Variants in CDKL1 observed in about 807,000 individuals in gnomAD.
CDKL1 encodes cyclin-dependent kinase-like 1.
CDKL1 carries 41 observed loss-of-function variants against 42.0 expected under a neutral mutation model. The observed-to-expected ratio is 0.98, with a 90% CI of 0.76 to 1.27. The LOEUF (loss-of-function observed/expected upper bound fraction) is 1.27. CDKL1 is among the 50% of genes most tolerant of loss of function. The probability of loss-of-function intolerance (pLI) is 0.00; values close to 1 mark genes in which losing one functional copy is unlikely to be tolerated. For synonymous variants in CDKL1, 153 were observed against 158.6 expected, an observed-to-expected ratio of 0.96 and a Z score of 0.26; for missense variants, 394 against 428.4, an observed-to-expected ratio of 0.92 and a Z score of 0.71.
At position 50,329,010 on chromosome 14, in the gene CDKL1, G is replaced by A. The variant is rs1221322602; in HGVS notation, c.*1064C>T. Reference sequence around the variant, plus strand: ...AGTCCTCAATACTTTGGACTACTTAGTGTAATATATTAGTTGTTAGAATAG... The same window carrying A: ...AGTCCTCAATACTTTGGACTACTTAATGTAATATATTAGTTGTTAGAATAG... On this transcript the variant is annotated 3_prime_UTR_variant, in exon 10 of 10. Coordinates refer to ENST00000395834, the MANE Select transcript of CDKL1 (RefSeq NM_004196.7). 2 of 146,496 alleles carry A rather than the reference G, an allele frequency of 1.4e-5. No individual in the cohort carries two copies. The highest frequency in any genetic ancestry group is 2.5e-5 in the African/African-American group (1 of 39,600). The allele number at this position is 146,496 out of a possible 1,614,324, so 9.1% of individuals were successfully genotyped here.
At chr14:50,378,102 C>T (rs1884679904) in intron 2 of CDKL1, 20 of 1,280,026 alleles carry the variant, frequency 1.6e-5, no homozygotes, top group Non-Finnish European at 2.1e-5. Context: ...ATCTGAAATT[C>T]TCAAATTTCC....
intron 2 of CDKL1, chr14:50,377,709 G>C: frequency 7.7e-7 from 1 of 1,301,288 alleles, no homozygotes; most frequent in Admixed American, 2.3e-5. Context: ...GTTTTGAATG[G>C]GGTGTAAGCT....
In CDKL1 at chr14:50,395,873, G is replaced by A. The variant is rs144366873; in HGVS notation, c.-5C>T. On this transcript the variant is annotated 5_prime_UTR_variant, in exon 2 of 10. Transcript: ENST00000395834. ...AATTTTTTCATACTTCTCCATCATA[G>A]AGGAATAAATCTTCTTAAAATGGAT... is the stretch of plus-strand genomic sequence containing the variant. The A allele has an allele frequency of 3.7e-6, 6 of 1,611,218 alleles. No homozygotes were observed. The African/African-American group carries it at 6.7e-5, about 18-fold the overall frequency.
chr14:50,343,048 A>G (rs2033604991), intron 4 of CDKL1: 1 of 1,342,016 alleles, frequency 7.5e-7, no homozygotes, highest in Non-Finnish European at 9.9e-7. Flanking sequence ...AACATTCTTA[A>G]ACAGGGTGAT....
In CDKL1 at chr14:50,358,636, CT is replaced by C. The variant is rs71118873; in HGVS notation, c.290+391del. On this transcript the variant is annotated intron_variant, in intron 3 of 9. Coordinates refer to ENST00000395834, the MANE Select transcript of CDKL1 (RefSeq NM_004196.7). Reference sequence around the variant, plus strand: ...CAAACACTGGCTGTTTTTAACTAGTCTTTTTTTTTTTTTTTTTTTTTGAGAC... The same window carrying C: ...CAAACACTGGCTGTTTTTAACTAGTCTTTTTTTTTTTTTTTTTTTTGAGAC... Among the ~76,000 whole-genome samples, 424 of 67,634 alleles carry C rather than the reference CT, an allele frequency of 6.3e-3. 3 individuals are homozygous for C. Among genetic ancestry groups the C allele is most frequent in the African/African-American group, 0.021 (373 of 17,386 alleles). 44.4% of individuals were successfully genotyped at this position (67,634 alleles called of 152,430 possible). A position where few individuals can be genotyped will look rare whatever the true frequency, so the allele number is the denominator to read the frequency against.
At position 50,342,392 on chromosome 14, in the gene CDKL1, A is replaced by G. The variant is rs140547526; in HGVS notation, c.364-170T>C. Reference sequence around the variant, plus strand: ...ATAAATCTAGTACCATGCCTGTCAGAGCCTGAATCATCCCAAATTCCTAAA... The same window carrying G: ...ATAAATCTAGTACCATGCCTGTCAGGGCCTGAATCATCCCAAATTCCTAAA... On this transcript the variant is annotated intron_variant, in intron 4 of 9. Transcript: ENST00000395834. The G allele has an allele frequency of 2.3e-4, 320 of 1,373,924 alleles. 2 individuals carry two copies. The East Asian group carries it at 8.0e-3, about 34-fold the overall frequency. 85.1% of individuals were successfully genotyped at this position (1,373,924 alleles called of 1,614,324 possible). A position where few individuals can be genotyped will look rare whatever the true frequency, so the allele number is the denominator to read the frequency against.
intron 2 of CDKL1, chr14:50,378,159 GTTAGCTGC>G: frequency 7.3e-7 from 1 of 1,365,820 alleles, no homozygotes; most frequent in Non-Finnish European, 9.8e-7. Context: ...ATTGCTGTAG[GTTAGCTGC>G]TTCCTTTACC....
At chr14:50,369,015 C>T (rs2034511611) in intron 2 of CDKL1, among the ~76,000 whole-genome samples, 1 of 151,802 alleles carries the variant, frequency 6.6e-6, no homozygotes, top group African/African-American at 2.4e-5. Flanking sequence ...TACAGGTGTG[C>T]ACCACCATGC....
intron 2 of CDKL1, among the ~76,000 whole-genome samples, chr14:50,393,741 T>C (rs1005692311): frequency 2.6e-5 from 4 of 152,214 alleles, no homozygotes; most frequent in African/African-American, 9.6e-5. Flanking sequence ...CACCATTTCA[T>C]AGAGATCAGT....
At chr14:50,331,776 A>C in intron 9 of CDKL1, 2 of 489,106 alleles carry the variant, frequency 4.1e-6, no homozygotes, top group Non-Finnish European at 7.2e-6. Flanking sequence ...TTCTCTGGTT[A>C]AATGTATTCA....
At chr14:50,388,441 G>A (rs2035151205) in intron 2 of CDKL1, among the ~76,000 whole-genome samples, 1 of 152,244 alleles carries the variant, frequency 6.6e-6, no homozygotes, top group Non-Finnish European at 1.5e-5. Context: ...GTGCCCAGCA[G>A]GACTTCTGGT....
At chr14:50,336,851 A>G (rs1427404739) in intron 7 of CDKL1, among the ~76,000 whole-genome samples, 1 of 122,798 alleles carries the variant, frequency 8.1e-6, no homozygotes, top group African/African-American at 3.1e-5. Flanking sequence ...GCAGCCATTT[A>G]TTTCACAAAT....
rs372036617 is a variant in CDKL1, at chr14:50,377,505, C to G, written c.168+18196G>C. ...CACACAGTTCCTGTCTCAGACTTTA[C>G]TTTCTGGGAGGTGCACAGTCTAAGA... On this transcript the variant is annotated intron_variant, in intron 2 of 9. Transcript: ENST00000395834. 19 of 1,059,666 alleles carry G rather than the reference C, an allele frequency of 1.8e-5. No individual in the cohort carries two copies. The South Asian group carries it at 2.8e-4, about 15-fold the overall frequency. 65.6% of individuals were successfully genotyped at this position (1,059,666 alleles called of 1,614,324 possible). A position where few individuals can be genotyped will look rare whatever the true frequency, so the allele number is the denominator to read the frequency against.
intron 7 of CDKL1, chr14:50,336,364 C>A: frequency 1.3e-6 from 1 of 778,690 alleles, no homozygotes; most frequent in Non-Finnish European, 1.8e-6. Context: ...GAGGCTTCAC[C>A]AACAGACAAG....
intron 3 of CDKL1, among the ~76,000 whole-genome samples, chr14:50,358,636 C>CTTTTTT (rs71118873): frequency 2.7e-4 from 18 of 67,656 alleles, no homozygotes; most frequent in African/African-American, 5.7e-4. Context: ...TTTAACTAGT[C>CTTTTTT]TTTTTTTTTT....
At chr14:50,375,543 A>T (rs984203767) in intron 2 of CDKL1, among the ~76,000 whole-genome samples, 1 of 152,208 alleles carries the variant, frequency 6.6e-6, no homozygotes, top group Non-Finnish European at 1.5e-5. Flanking sequence ...ATCAAGGTCA[A>T]CATCAATAGT....
chr14:50,397,070 C>A, upstream of CDKL1: 1 of 1,336,704 alleles, frequency 7.5e-7, no homozygotes, highest in Non-Finnish European at 9.9e-7. Context: ...CGGGCCGAGT[C>A]CTGCTGCCGG....
chr14:50,387,089 C>G (rs1211223071), intron 2 of CDKL1, among the ~76,000 whole-genome samples: 1 of 151,722 alleles, frequency 6.6e-6, no homozygotes, highest in Admixed American at 6.6e-5. Flanking sequence ...TGCCTGTAGT[C>G]CCAGCTATTC....
intron 4 of CDKL1, among the ~76,000 whole-genome samples, chr14:50,344,006 C>A (rs1325539257): frequency 1.3e-5 from 2 of 152,220 alleles, no homozygotes. Flanking sequence ...TTGACCCTGG[C>A]AGTTGAGTAA....
Sources: allele counts gnomAD v4.1 joint callset (sites outside exome capture counted in the v4.1 genomes callset), GRCh38; gene constraint gnomAD v4.1.1; transcripts MANE v1.5; gene names NCBI Gene and HGNC (gene_info 2026-07-23, HGNC 2026-07-21).